The following NLGN1 variants were observed in gnomAD, a reference collection of about 807,000 sequenced individuals.
NLGN1 encodes the protein neuroligin-1.
NLGN1 carries 12 observed loss-of-function variants against 65.5 expected under a neutral mutation model. The ratio of observed to expected loss-of-function variants is 0.18; its 90% CI spans 0.12 to 0.30. NLGN1 has a LOEUF of 0.30. NLGN1 is among the 10% of genes least tolerant of loss of function. The pLI is 1.00. For missense variants in NLGN1, 750 were observed against 1,007.1 expected, an observed-to-expected ratio of 0.74 and a Z score of 3.46; for synonymous variants, 350 against 359.5, an observed-to-expected ratio of 0.97 and a Z score of 0.30.
rs577304221 is a variant in NLGN1, at chr3:174,254,198, G to A, written c.647-21117G>A. Among the ~76,000 whole-genome samples, 11 of 151,900 alleles carry A rather than the reference G, an allele frequency of 7.2e-5. No individual in the cohort carries two copies. In the South Asian group the frequency reaches 1.9e-3, roughly 26 times the overall value. On this transcript the variant is annotated intron_variant, in intron 4 of 6. Coordinates refer to ENST00000457714, the Ensembl canonical transcript of NLGN1. ...GTTCCTTGTTTTAGTGCATTTATGC[G>A]CACTTACCAGATGCACCAAAATACA...
At chr3:173,871,846 G>A (rs933438964) in intron 4 of NLGN1, among the ~76,000 whole-genome samples, 2 of 152,172 alleles carry the variant, frequency 1.3e-5, no homozygotes, top group African/African-American at 2.4e-5. Context: ...TCTTGAGCCT[G>A]GAGTGTTTAG....
intron 4 of NLGN1, among the ~76,000 whole-genome samples, chr3:173,970,822 T>C (rs1465879226): frequency 6.6e-6 from 1 of 152,124 alleles, no homozygotes; most frequent in Non-Finnish European, 1.5e-5. Flanking sequence ...CTGATTCTGG[T>C]TGCTACTTGC....
intron 4 of NLGN1, among the ~76,000 whole-genome samples, chr3:173,987,829 A>G (rs13086003): frequency 0.26 from 39,432 of 151,966 alleles, 6,182 homozygotes; most frequent in African/African-American, 0.43. Context: ...GGTAAGGGAG[A>G]CTTACTTCTG....
intron 3 of NLGN1, among the ~76,000 whole-genome samples, chr3:173,685,499 CT>C (rs1764553589): frequency 6.6e-6 from 1 of 152,080 alleles, no homozygotes; most frequent in Non-Finnish European, 1.5e-5. Flanking sequence ...TTTTCGAGGC[CT>C]TAAGTTAATA....
At chr3:174,105,806 A>G (rs1358904628) in intron 4 of NLGN1, among the ~76,000 whole-genome samples, 2 of 149,570 alleles carry the variant, frequency 1.3e-5, no homozygotes, top group Non-Finnish European at 3.0e-5. Flanking sequence ...AGTGCACAAG[A>G]CTCTTAAGGA....
chr3:173,424,614 T>C (rs923721843), intron 1 of NLGN1, among the ~76,000 whole-genome samples: 1 of 152,208 alleles, frequency 6.6e-6, no homozygotes, highest in Non-Finnish European at 1.5e-5. Flanking sequence ...CACAGATGTC[T>C]AGGGCAGGGG....
At chr3:173,636,765 G>A (rs1009452308) in intron 3 of NLGN1, among the ~76,000 whole-genome samples, 1 of 152,016 alleles carries the variant, frequency 6.6e-6, no homozygotes, top group African/African-American at 2.4e-5. Context: ...AGATTATTTT[G>A]TAAAATGACT....
At chr3:173,616,592 G>A (rs968825146) in intron 3 of NLGN1, among the ~76,000 whole-genome samples, 4 of 152,184 alleles carry the variant, frequency 2.6e-5, no homozygotes, top group African/African-American at 7.2e-5. Context: ...CCCGACATGA[G>A]GAGACCTTTC....
intron 3 of NLGN1, among the ~76,000 whole-genome samples, chr3:173,640,472 TAGC>T (rs1184029862): frequency 6.6e-6 from 1 of 152,174 alleles, no homozygotes; most frequent in Non-Finnish European, 1.5e-5. Flanking sequence ...AACTAACAGA[TAGC>T]AGGACACTTC....
At chr3:174,115,820 C>A (rs1444156335) in intron 4 of NLGN1, among the ~76,000 whole-genome samples, 2 of 152,172 alleles carry the variant, frequency 1.3e-5, no homozygotes, top group Non-Finnish European at 2.9e-5. Flanking sequence ...CATTTAACTC[C>A]TCTGAGCTTT....
At chr3:173,702,987 C>T (rs749877707) in intron 3 of NLGN1, among the ~76,000 whole-genome samples, 1 of 152,012 alleles carries the variant, frequency 6.6e-6, no homozygotes, top group East Asian at 1.9e-4. Context: ...TGAGATCTTC[C>T]CTAGCCATCC....
At chr3:173,413,774 G>A (rs971878465) in intron 1 of NLGN1, among the ~76,000 whole-genome samples, 8 of 152,160 alleles carry the variant, frequency 5.3e-5, no homozygotes, top group Non-Finnish European at 1.2e-4. Flanking sequence ...GGCCAGAGCA[G>A]CAGGTCAAAT....
chr3:174,216,409 C>T (rs1737607578), intron 4 of NLGN1, among the ~76,000 whole-genome samples: 1 of 152,144 alleles, frequency 6.6e-6, no homozygotes, highest in Admixed American at 6.5e-5. Flanking sequence ...ATTATTATTT[C>T]ATTCTTTCTT....
intron 4 of NLGN1, among the ~76,000 whole-genome samples, chr3:174,272,665 GGATAGATA>G (rs779724767): frequency 0.019 from 2,163 of 116,634 alleles, 47 homozygotes; most frequent in Admixed American, 0.072. Context: ...ATGGATGGAT[GGATAGATA>G]GATAGATAGA....
At chr3:173,861,296 A>C (rs1222278699) in intron 4 of NLGN1, among the ~76,000 whole-genome samples, 1 of 152,056 alleles carries the variant, frequency 6.6e-6, no homozygotes, top group African/African-American at 2.4e-5. Context: ...GTGTAATTTT[A>C]ATAAAATCAA....
At position 174,176,972 on chromosome 3, in the gene NLGN1, G is replaced by A. The variant is rs184593809; in HGVS notation, c.647-98343G>A. Reference sequence around the variant, plus strand: ...AGTTGTGTAGAACACATCAAATAAAGAGTTACCTGGTTCAGCGTAGCATAG... The same window carrying A: ...AGTTGTGTAGAACACATCAAATAAAAAGTTACCTGGTTCAGCGTAGCATAG... On this transcript the variant is annotated intron_variant, in intron 4 of 6. Transcript: ENST00000457714. Among the ~76,000 whole-genome samples the A allele has an allele frequency of 3.3e-5, 5 of 152,126 alleles. No individual in the cohort carries two copies. In the East Asian group the frequency reaches 9.6e-4, roughly 29 times the overall value.
At chr3:173,957,175 C>T (rs983243680) in intron 4 of NLGN1, among the ~76,000 whole-genome samples, 8 of 152,014 alleles carry the variant, frequency 5.3e-5, no homozygotes, top group African/African-American at 1.7e-4. Flanking sequence ...AAGTATATGT[C>T]TTTCTGAGAA....
chr3:173,839,871 TATAG>T (rs947148997), intron 4 of NLGN1, among the ~76,000 whole-genome samples: 179 of 19,820 alleles, frequency 9.0e-3, no homozygotes, highest in Non-Finnish European at 0.026. Flanking sequence ...AATGTGGTAT[TATAG>T]ATATAGCTAA....
At chr3:173,507,676 A>T (rs1035407698) in intron 2 of NLGN1, among the ~76,000 whole-genome samples, 2 of 151,040 alleles carry the variant, frequency 1.3e-5, no homozygotes, top group Non-Finnish European at 3.0e-5. Context: ...TTTCCCAAAT[A>T]GTGTGTGTGT....
Sources: gnomAD v4.1 joint callset for allele counts (sites outside exome capture counted in the v4.1 genomes callset) on GRCh38, gnomAD v4.1.1 for gene constraint, MANE v1.5 for transcripts, NCBI Gene and HGNC (gene_info 2026-07-23, HGNC 2026-07-21) for gene names.